Variants in ST7 observed in about 807,000 individuals in gnomAD.
ST7 encodes the protein suppressor of tumorigenicity 7 protein.
Under a neutral mutation model 78.7 loss-of-function variants are expected in ST7, and 28 were observed. The observed-to-expected ratio is 0.36, with a 90% confidence interval of 0.26 to 0.49. The LOEUF (loss-of-function observed/expected upper bound fraction) is 0.49. Ranked by LOEUF, ST7 falls within the 20% of genes least tolerant of loss-of-function variation. The pLI is 0.99. For missense variants in ST7, 418 were observed against 696.0 expected (o/e 0.60, Z 4.49); for synonymous variants, 247 against 249.6 (o/e 0.99, Z 0.10).
At position 117,219,406 on chromosome 7, in the gene ST7, T is replaced by C. The variant is rs1792921878; in HGVS notation, c.1498+230T>C. Among the ~76,000 whole-genome samples, 1 of 152,228 alleles carries C rather than the reference T, an allele frequency of 6.6e-6. No individual in the cohort carries two copies. Among genetic ancestry groups the C allele is most frequent in the Admixed American group, 6.5e-5 (1 of 15,284 alleles). On this transcript the variant is annotated intron_variant, in intron 14 of 15. Coordinates refer to ENST00000323984, the MANE Select transcript of ST7 (RefSeq NM_001369598.1). This position sits in a 1 kb window ranked among gnomAD's most constrained non-coding sequence, Gnocchi z 5.1. ...AGGGAAAGATGCCAAAGGATTGAAA[T>C]GTAGCTGAAGAAACCCTATGTACTG...
At chr7:117,196,731 A>G (rs957757028) in intron 12 of ST7, among the ~76,000 whole-genome samples, 2 of 132,278 alleles carry the variant, frequency 1.5e-5, no homozygotes, top group Non-Finnish European at 3.1e-5. Flanking sequence ...TATTTTCTCT[A>G]TTCCACAGGT....
intron 10 of ST7, among the ~76,000 whole-genome samples, chr7:117,181,020 A>G (rs954866170): frequency 3.9e-5 from 6 of 152,208 alleles, no homozygotes; most frequent in Non-Finnish European, 8.8e-5. Context: ...CAATTAATAT[A>G]ACTTACTTTA....
chr7:117,201,764 T>C (rs1584587760), intron 12 of ST7, among the ~76,000 whole-genome samples: 1 of 152,060 alleles, frequency 6.6e-6, no homozygotes, highest in African/African-American at 2.4e-5. Flanking sequence ...CCCAAAGTGC[T>C]GGGATTACAG....
At chr7:117,001,184 C>T (rs1427041624) in intron 1 of ST7, among the ~76,000 whole-genome samples, 2 of 152,184 alleles carry the variant, frequency 1.3e-5, no homozygotes, top group Non-Finnish European at 2.9e-5. Flanking sequence ...GGGAAGAAAG[C>T]AGGAGGTCTA....
chr7:117,225,738 T>C (rs1304936594), intron 15 of ST7, among the ~76,000 whole-genome samples: 3 of 152,178 alleles, frequency 2.0e-5, no homozygotes, highest in Non-Finnish European at 2.9e-5. Context: ...GCAGAGAGAT[T>C]GCACTGCCAC....
chr7:117,026,049 A>G (rs2116091674), intron 1 of ST7, among the ~76,000 whole-genome samples: 1 of 152,318 alleles, frequency 6.6e-6, no homozygotes, highest in South Asian at 2.1e-4. Context: ...CATTGTCACA[A>G]TGGACCAGAT....
chr7:117,136,383 C>A, intron 8 of ST7, 148 bp downstream of exon 8: 1 of 886,714 alleles, frequency 1.1e-6, no homozygotes, highest in East Asian at 2.6e-5. Context: ...TTTCTTCTTT[C>A]CTATAAGTGC....
chr7:117,036,041 A>G (rs1796880538), intron 1 of ST7, among the ~76,000 whole-genome samples: 1 of 152,202 alleles, frequency 6.6e-6, no homozygotes, highest in Non-Finnish European at 1.5e-5. Context: ...AGCCTGAGGT[A>G]ACTGGTTTTT....
chr7:117,035,587 C>T (rs12706139), intron 1 of ST7, among the ~76,000 whole-genome samples: 22,925 of 152,064 alleles, frequency 0.15, 2,208 homozygotes, highest in South Asian at 0.23. Context: ...TTTCTCATCA[C>T]AGCAATTTGA....
rs1392588950 is a variant in ST7, at chr7:116,969,791, A to C, written c.151+16100A>C. 2.0e-5 allele frequency among the ~76,000 whole-genome samples: 3 copies of C among 152,208 alleles called. No homozygotes were observed. In the South Asian group the frequency reaches 6.2e-4, roughly 32 times the overall value. ...ACGCTTTATTGTAGAAAAAAGGGAA[A>C]GCAGCTGGGCATGGTGGTTCATGCC... On this transcript the variant is annotated intron_variant, in intron 1 of 15. Coordinates refer to ENST00000323984, the MANE Select transcript of ST7 (RefSeq NM_001369598.1).
intron 1 of ST7, among the ~76,000 whole-genome samples, chr7:117,019,944 A>T (rs1416782868): frequency 6.6e-6 from 1 of 152,210 alleles, no homozygotes; most frequent in Non-Finnish European, 1.5e-5. Flanking sequence ...CAAAACCAAG[A>T]AGACTGATAT....
intron 6 of ST7, 74 bp downstream of exon 6, chr7:117,132,034 G>A: frequency 7.3e-7 from 1 of 1,375,994 alleles, no homozygotes; most frequent in Non-Finnish European, 1.0e-6. Flanking sequence ...GCCATTGATA[G>A]GATACTTAAA....
chr7:117,077,217 A>G (rs1214462727), intron 1 of ST7, among the ~76,000 whole-genome samples: 1 of 152,144 alleles, frequency 6.6e-6, no homozygotes, highest in African/African-American at 2.4e-5. Context: ...GGGTTTTTAT[A>G]GGCACAGGAT....
chr7:117,116,534 A>G (rs1272203277), intron 2 of ST7, among the ~76,000 whole-genome samples: 2 of 152,212 alleles, frequency 1.3e-5, no homozygotes, highest in Non-Finnish European at 1.5e-5. Context: ...AAGACCCTAC[A>G]TGAAGACACT....
rs1792794652 is a variant in ST7 at position 116,960,951 on chromosome 7, G to C, written c.151+7260G>C. Among the ~76,000 whole-genome samples the C allele has an allele frequency of 3.3e-5, 5 of 152,074 alleles. No individual in the cohort carries two copies. The South Asian group carries it at 1.0e-3, about 31-fold the overall frequency. On this transcript the variant is annotated intron_variant, in intron 1 of 15. Transcript: ENST00000323984. The stretch of plus-strand genomic sequence containing the variant: ...TGTTGCAGGGTTTTTATAGTTTTTG[G>C]TTTTACATTTAAGTCTCTAATCCAT...
intron 1 of ST7, among the ~76,000 whole-genome samples, chr7:116,996,876 A>G (rs540435574): frequency 6.6e-6 from 1 of 152,342 alleles, no homozygotes; most frequent in Non-Finnish European, 1.5e-5. Flanking sequence ...AATGTCTTCT[A>G]TAAGAAAAGG....
intron 1 of ST7, among the ~76,000 whole-genome samples, chr7:117,087,866 G>A (rs1256881539): frequency 6.6e-6 from 1 of 151,978 alleles, no homozygotes. Flanking sequence ...TATTATAGGC[G>A]CTCCCCTCTG....
At chr7:117,129,718 G>T (rs759814366) in intron 3 of ST7, 75 bp from the exon 4 acceptor site, 1 of 1,087,996 alleles carries the variant, frequency 9.2e-7, no homozygotes, top group Non-Finnish European at 1.4e-6. Context: ...GGCAGGAAGG[G>T]TGTTTTGCTG....
Position 117,005,155 on chromosome 7 carries a change from A to C in ST7, c.151+51464A>C, listed in dbSNP as rs1795105221. ...TCTTTTACATTCCCAGTGAAATGCC[A>C]AGACAGGTCTGTCAAATCTAATTTT... is the stretch of plus-strand genomic sequence containing the variant. On this transcript the variant is annotated intron_variant, in intron 1 of 15. Coordinates refer to ENST00000323984, the MANE Select transcript of ST7 (RefSeq NM_001369598.1). Among the ~76,000 whole-genome samples the C allele has an allele frequency of 2.6e-5, 4 of 152,278 alleles. No individual in the cohort carries two copies. In the South Asian group the frequency reaches 8.3e-4, roughly 32 times the overall value.
Sources: gnomAD v4.1 joint callset for allele counts (sites outside exome capture counted in the v4.1 genomes callset) on GRCh38, gnomAD v4.1.1 for gene constraint, Gnocchi (gnomAD v3.1) non-coding constraint, MANE v1.5 for transcripts, NCBI Gene and HGNC (gene_info 2026-07-23, HGNC 2026-07-21) for gene names.